DLGAP2: variants seen among roughly 807,000 people sequenced by gnomAD.
DLGAP2 encodes DLG associated protein 2.
A neutral mutation model predicts 100.3 loss-of-function variants in DLGAP2; 26 were observed. The ratio of observed to expected loss-of-function variants is 0.26; its 90% CI spans 0.19 to 0.36. DLGAP2 has a LOEUF of 0.36. Among genes scored for constraint, DLGAP2 ranks in the 10% least tolerant of loss-of-function variants. The probability of loss-of-function intolerance (pLI) is 1.00; values close to 1 mark genes in which losing one functional copy is unlikely to be tolerated. For missense variants in DLGAP2, 1,858 were observed against 1,453.2 expected (o/e 1.28, Z -4.53); for synonymous variants, 886 against 630.1 (o/e 1.41, Z -6.08).
intron 2 of DLGAP2, among the ~76,000 whole-genome samples, chr8:1,222,266 ATTC>A (rs1169370629): frequency 3.3e-5 from 5 of 152,108 alleles, no homozygotes; most frequent in Non-Finnish European, 5.9e-5. Context: ...TTGATTTTAT[ATTC>A]TTTGATGCCC....
intron 1 of DLGAP2, among the ~76,000 whole-genome samples, chr8:746,660 G>A (rs1820625076): frequency 6.6e-6 from 1 of 152,280 alleles, no homozygotes. Flanking sequence ...GAGGTGGACA[G>A]TGGTTTTGAT....
intron 3 of DLGAP2, among the ~76,000 whole-genome samples, chr8:1,365,345 T>C (rs917459870): frequency 1.1e-4 from 16 of 152,078 alleles, no homozygotes; most frequent in African/African-American, 3.6e-4. Context: ...CCCCAGATGC[T>C]GGGAAACAGG....
chr8:849,329 T>A (rs1032563592), intron 1 of DLGAP2, among the ~76,000 whole-genome samples: 3 of 152,202 alleles, frequency 2.0e-5, no homozygotes, highest in African/African-American at 7.2e-5. Flanking sequence ...AACGAGCCGG[T>A]GTTTCTATGG....
At chr8:1,008,899 G>T (rs947932802) in intron 2 of DLGAP2, among the ~76,000 whole-genome samples, 2 of 152,218 alleles carry the variant, frequency 1.3e-5, no homozygotes, top group African/African-American at 4.8e-5. Flanking sequence ...GGCCCCTTCT[G>T]ACACCCAGAT....
intron 2 of DLGAP2, among the ~76,000 whole-genome samples, chr8:1,119,189 G>A (rs911681614): frequency 3.9e-5 from 6 of 152,192 alleles, no homozygotes; most frequent in Admixed American, 1.3e-4. Flanking sequence ...CATCCTTCCC[G>A]CACTTAAGGC....
intron 2 of DLGAP2, among the ~76,000 whole-genome samples, chr8:952,978 A>C (rs559155822): frequency 1.9e-4 from 29 of 152,210 alleles, no homozygotes; most frequent in Admixed American, 1.9e-3. Flanking sequence ...TCTTTTGCTC[A>C]TACATGAGAT....
intron 1 of DLGAP2, among the ~76,000 whole-genome samples, chr8:757,513 T>G (rs924549843): frequency 6.6e-5 from 10 of 152,172 alleles, no homozygotes; most frequent in African/African-American, 2.2e-4. Flanking sequence ...TCTGGTGGGT[T>G]CCTAAGCATG....
At chr8:833,861 C>T (rs1183846161) in intron 1 of DLGAP2, among the ~76,000 whole-genome samples, 1 of 152,126 alleles carries the variant, frequency 6.6e-6, no homozygotes. Context: ...CATCTTTTAT[C>T]TCAGAACATG....
intron 6 of DLGAP2, among the ~76,000 whole-genome samples, chr8:1,601,207 C>T (rs1169876739): frequency 1.3e-5 from 2 of 152,198 alleles, no homozygotes; most frequent in African/African-American, 4.8e-5. Context: ...TGGAGGTTGC[C>T]GAACAGCAAA....
intron 3 of DLGAP2, among the ~76,000 whole-genome samples, chr8:1,447,753 A>G (rs1312312444): frequency 6.6e-6 from 1 of 152,196 alleles, no homozygotes; most frequent in Non-Finnish European, 1.5e-5. Context: ...GATTATTGCC[A>G]CAATTTCAGA....
Position 894,749 on chromosome 8 carries a change from C to T in DLGAP2, c.19-13163C>T, listed in dbSNP as rs1259552901. Among the ~76,000 whole-genome samples the T allele has an allele frequency of 1.4e-4, 11 of 76,098 alleles. No individual in the cohort carries two copies. The Admixed American group carries it at 1.6e-3, about 11-fold the overall frequency. The allele number at this position is 76,098 out of a possible 152,430, so 49.9% of individuals were successfully genotyped here. ...GGCTGGCAGGGCAGGGTGGGGAGAGCGGAGTGGTGACTGGCAGGGGTAGTG... is the reference window on the plus strand; with the variant it reads ...GGCTGGCAGGGCAGGGTGGGGAGAGTGGAGTGGTGACTGGCAGGGGTAGTG... On this transcript the variant is annotated intron_variant, in intron 1 of 14. Coordinates refer to ENST00000637795, the MANE Select transcript of DLGAP2 (RefSeq NM_001346810.2).
At chr8:1,068,492 G>A (rs547232416) in intron 2 of DLGAP2, among the ~76,000 whole-genome samples, 1 of 152,316 alleles carries the variant, frequency 6.6e-6, no homozygotes, top group East Asian at 1.9e-4. Context: ...GCCTTGCTCA[G>A]TGGTGTGCAG....
Position 1,171,838 on chromosome 8 carries a change from A to G in DLGAP2, c.74-87013A>G, listed in dbSNP as rs567350553. The stretch of plus-strand genomic sequence containing the variant: ...CTGATGGGTCTTGACTCTTTATCCA[A>G]TTTGCCAGTCTGTGTCTTTTAATTG... On this transcript the variant is annotated intron_variant, in intron 2 of 14. Coordinates refer to ENST00000637795, the MANE Select transcript of DLGAP2 (RefSeq NM_001346810.2). Among the ~76,000 whole-genome samples the G allele has an allele frequency of 3.9e-5, 6 of 152,186 alleles. No individual in the cohort carries two copies. The East Asian group carries it at 7.7e-4, about 20-fold the overall frequency.
intron 3 of DLGAP2, among the ~76,000 whole-genome samples, chr8:1,424,623 T>G (rs919226871): frequency 6.6e-6 from 1 of 151,954 alleles, no homozygotes; most frequent in African/African-American, 2.4e-5. Context: ...AGGAGTCAGA[T>G]GCACAGACAG....
intron 1 of DLGAP2, among the ~76,000 whole-genome samples, chr8:902,061 C>G (rs1798262631): frequency 6.6e-6 from 1 of 152,196 alleles, no homozygotes; most frequent in Admixed American, 6.5e-5. Context: ...CCGAGGAACC[C>G]TGGTGGGTCC....
At chr8:1,087,242 A>C (rs1406698679) in intron 2 of DLGAP2, among the ~76,000 whole-genome samples, 1 of 152,242 alleles carries the variant, frequency 6.6e-6, no homozygotes, top group Non-Finnish European at 1.5e-5. Flanking sequence ...TTAAGAGGAA[A>C]GTTTAGCAAT....
intron 2 of DLGAP2, among the ~76,000 whole-genome samples, chr8:1,036,133 G>T (rs1306418414): frequency 2.0e-5 from 3 of 146,826 alleles, no homozygotes; most frequent in Non-Finnish European, 3.0e-5. Flanking sequence ...CGCTCATCCC[G>T]ACCCCGCGTG....
chr8:1,079,838 G>A (rs1383968585), intron 2 of DLGAP2, among the ~76,000 whole-genome samples: 1 of 152,236 alleles, frequency 6.6e-6, no homozygotes, highest in Non-Finnish European at 1.5e-5. Context: ...TGAAACGTCA[G>A]TGAGGATTTC....
At position 1,704,033 on chromosome 8, in the gene DLGAP2, A is replaced by G. The variant is rs541612390; in HGVS notation, c.*2627A>G. The G allele has an allele frequency of 6.6e-6, 1 of 152,640 alleles. No individual in the cohort carries two copies. The highest frequency in any genetic ancestry group is 1.5e-5 in the Non-Finnish European group (1 of 68,040). The allele number at this position is 152,640 out of a possible 1,614,324, so 9.5% of individuals were successfully genotyped here. On this transcript the variant is annotated 3_prime_UTR_variant, in exon 15 of 15. Coordinates refer to ENST00000637795, the MANE Select transcript of DLGAP2 (RefSeq NM_001346810.2). ...TATACTCAGTTCTCATGCAGGTGAC[A>G]TTCTACCATGAAACGCAGAAGATAA... is the stretch of plus-strand genomic sequence containing the variant.
Sources: allele counts gnomAD v4.1 joint callset (sites outside exome capture counted in the v4.1 genomes callset), GRCh38; gene constraint gnomAD v4.1.1; transcripts MANE v1.5; gene names NCBI Gene and HGNC (gene_info 2026-07-23, HGNC 2026-07-21).